Variants in SDHAF3 observed in about 807,000 individuals in gnomAD.
SDHAF3 encodes the protein succinate dehydrogenase assembly factor 3, mitochondrial.
SDHAF3 carries 18 observed loss-of-function variants against 11.5 expected under a neutral mutation model. The ratio of observed to expected loss-of-function variants is 1.56; its 90% CI spans 1.08 to 2.32. The LOEUF is 2.32. SDHAF3 is among the 30% of genes most tolerant of loss of function. SDHAF3 has a pLI of 0.00. For missense variants in SDHAF3, 200 were observed against 154.4 expected (o/e 1.30, Z -1.57); for synonymous variants, 72 against 59.3 (o/e 1.21, Z -0.99).
At chr7:97,166,561 C>T (rs951441032) in intron 1 of SDHAF3, among the ~76,000 whole-genome samples, 1 of 152,154 alleles carries the variant, frequency 6.6e-6, no homozygotes. Context: ...GTAAGACTTA[C>T]TGAGTCTGTT....
rs552010497 is a variant in SDHAF3 at position 97,172,171 on chromosome 7, C to T, written c.175-8841C>T. On this transcript the variant is annotated intron_variant, in intron 1 of 1. Transcript: ENST00000432641. ...GTTTAAATTTGTACATGTTTTGTAGCATATTCAAATAGCATATATCCATGA... is the reference window on the plus strand; with the variant it reads ...GTTTAAATTTGTACATGTTTTGTAGTATATTCAAATAGCATATATCCATGA... Among the ~76,000 whole-genome samples, 3 of 152,254 alleles carry T rather than the reference C, an allele frequency of 2.0e-5. No individual in the cohort carries two copies. The South Asian group carries it at 6.2e-4, about 32-fold the overall frequency.
chr7:97,127,898 T>C (rs920155916), intron 1 of SDHAF3, among the ~76,000 whole-genome samples: 33 of 45,122 alleles, frequency 7.3e-4, no homozygotes, highest in African/African-American at 1.1e-3. Flanking sequence ...CTACATCAAG[T>C]TTTTTTTTTT....
chr7:97,161,406 A>G (rs1449479019), intron 1 of SDHAF3, among the ~76,000 whole-genome samples: 2 of 152,190 alleles, frequency 1.3e-5, no homozygotes, highest in Admixed American at 6.5e-5. Context: ...AAGAATGATT[A>G]CAACAGTAAG....
intron 1 of SDHAF3, among the ~76,000 whole-genome samples, chr7:97,118,853 A>G (rs1791449444): frequency 6.6e-6 from 1 of 152,184 alleles, no homozygotes; most frequent in Admixed American, 6.5e-5. Context: ...TCTTTTTTGT[A>G]TAATTATTGA....
At chr7:97,159,475 C>A (rs1175279256) in intron 1 of SDHAF3, among the ~76,000 whole-genome samples, 1 of 152,166 alleles carries the variant, frequency 6.6e-6, no homozygotes, top group East Asian at 1.9e-4. Flanking sequence ...ATTTGCTTTA[C>A]ATATTTTTGT....
chr7:97,170,352 C>A (rs1011953343), intron 1 of SDHAF3, among the ~76,000 whole-genome samples: 1 of 151,988 alleles, frequency 6.6e-6, no homozygotes, highest in Non-Finnish European at 1.5e-5. Flanking sequence ...CCTAAATGAT[C>A]AGGAAAATGT....
At chr7:97,162,010 C>T (rs557047141) in intron 1 of SDHAF3, among the ~76,000 whole-genome samples, 1 of 152,336 alleles carries the variant, frequency 6.6e-6, no homozygotes, top group East Asian at 1.9e-4. Flanking sequence ...AATTGCCACA[C>T]TGTCTTCCAC....
intron 1 of SDHAF3, among the ~76,000 whole-genome samples, chr7:97,127,207 G>A (rs1309122401): frequency 1.3e-5 from 2 of 150,920 alleles, no homozygotes; most frequent in African/African-American, 2.4e-5. Flanking sequence ...TTATGTATTG[G>A]TCTTGCTTGG....
chr7:97,125,778 A>C (rs1447616453), intron 1 of SDHAF3, among the ~76,000 whole-genome samples: 1 of 152,226 alleles, frequency 6.6e-6, no homozygotes, highest in Non-Finnish European at 1.5e-5. Flanking sequence ...GGGTTAGAAC[A>C]TGCCTCCGTA....
At chr7:97,143,116 G>A (rs536574023) in intron 1 of SDHAF3, among the ~76,000 whole-genome samples, 23 of 151,484 alleles carry the variant, frequency 1.5e-4, no homozygotes, top group Non-Finnish European at 2.9e-4. Context: ...GGCTGGTCTC[G>A]AACTCCTGGC....
At chr7:97,152,428 C>G (rs933375921) in intron 1 of SDHAF3, among the ~76,000 whole-genome samples, 4 of 152,186 alleles carry the variant, frequency 2.6e-5, no homozygotes, top group African/African-American at 9.7e-5. Flanking sequence ...TGTCCTCTTG[C>G]ATGGAGTCAG....
chr7:97,133,096 A>AT (rs1212822293), intron 1 of SDHAF3, among the ~76,000 whole-genome samples: 3 of 151,908 alleles, frequency 2.0e-5, no homozygotes, highest in South Asian at 2.1e-4. Context: ...AGAATCATGT[A>AT]TTTTTTTTAG....
chr7:97,149,906 G>A (rs192941044), intron 1 of SDHAF3, among the ~76,000 whole-genome samples: 8 of 152,302 alleles, frequency 5.3e-5, no homozygotes, highest in Admixed American at 5.2e-4. Flanking sequence ...CAAAGTTGAA[G>A]TCTATCCCCT....
chr7:97,161,257 G>A (rs150910541), intron 1 of SDHAF3, among the ~76,000 whole-genome samples: 2 of 152,102 alleles, frequency 1.3e-5, no homozygotes, highest in Non-Finnish European at 2.9e-5. Context: ...GGTTAAGTGT[G>A]TTAAATTATT....
intron 1 of SDHAF3, among the ~76,000 whole-genome samples, chr7:97,151,568 C>A (rs1482830407): frequency 6.6e-6 from 1 of 151,090 alleles, no homozygotes; most frequent in Admixed American, 6.6e-5. Flanking sequence ...GCACAATCTC[C>A]GCTCACTGCA....
rs147467580 is a variant in SDHAF3 at position 97,149,585 on chromosome 7, A to G, written c.175-31427A>G. Among the ~76,000 whole-genome samples the G allele has an allele frequency of 3.6e-4, 55 of 152,328 alleles. No individual in the cohort carries two copies. In the East Asian group the frequency reaches 9.1e-3, roughly 25 times the overall value. ...TGCATATAAAAGTTATGTTTACACT[A>G]TTATCTACTAAGTGTGTCGTAGCAT... On this transcript the variant is annotated intron_variant, in intron 1 of 1. Coordinates refer to ENST00000432641, the MANE Select transcript of SDHAF3 (RefSeq NM_020186.3).
rs199949264 is a variant in SDHAF3 at position 97,117,733 on chromosome 7, C to T, written c.10C>T (p.Arg4Trp). Residue 4 changes from arginine (R) to tryptophan (W), a missense_variant, in exon 1 of 2, where the codon CGG (arginine) becomes TGG (tryptophan). Transcript: ENST00000432641. MPGRHVSRVRALYK... is the reference protein window; with the variant it reads MPGWHVSRVRALYK... ...GTCGGCGTGGGGCGCTATGCCGGGG[C>T]GGCACGTTTCTCGAGTCCGGGCATT... 1.8e-4 allele frequency: 284 copies of T among 1,612,600 alleles called. No homozygotes were observed. Among genetic ancestry groups the T allele is most frequent in the Non-Finnish European group, 2.1e-4 (252 of 1,179,354 alleles).
At chr7:97,158,133 A>G in intron 1 of SDHAF3, among the ~76,000 whole-genome samples, 1 of 152,192 alleles carries the variant, frequency 6.6e-6, no homozygotes, top group East Asian at 1.9e-4. Context: ...AGTATAAAAA[A>G]AAAAATACAA....
At chr7:97,127,786 G>A (rs978549409) in intron 1 of SDHAF3, among the ~76,000 whole-genome samples, 3 of 151,904 alleles carry the variant, frequency 2.0e-5, no homozygotes, top group African/African-American at 4.8e-5. Flanking sequence ...AGTATGAGTG[G>A]GTCAGTTGGG....
Sources: allele counts gnomAD v4.1 joint callset (sites outside exome capture counted in the v4.1 genomes callset), GRCh38; gene constraint gnomAD v4.1.1; transcripts MANE v1.5; gene names NCBI Gene and HGNC (gene_info 2026-07-23, HGNC 2026-07-21).